GRK7: variants seen among roughly 807,000 people sequenced by gnomAD.
The protein encoded by GRK7 is rhodopsin kinase GRK7.
In GRK7, 24 loss-of-function variants were observed where a neutral mutation model predicts 34.1. The observed-to-expected ratio is 0.70, with a 90% CI of 0.51 to 0.99. The LOEUF (loss-of-function observed/expected upper bound fraction) is 0.99. Ranked by LOEUF, GRK7 falls within the 50% of genes least tolerant of loss-of-function variation. The pLI is 0.00. For missense variants in GRK7, 644 were observed against 707.3 expected, an observed-to-expected ratio of 0.91 and a Z score of 1.02; for synonymous variants, 256 against 279.4, an observed-to-expected ratio of 0.92 and a Z score of 0.84.
At chr3:141,800,826 C>T (rs1406941548) in intron 4 of GRK7, among the ~76,000 whole-genome samples, 1 of 152,070 alleles carries the variant, frequency 6.6e-6, no homozygotes, top group Non-Finnish European at 1.5e-5. Flanking sequence ...ACTTTCTGGA[C>T]AGACAGAAAT....
chr3:141,785,581 T>C lies in GRK7; in HGVS notation c.1050+4770T>C, dbSNP rs570380855. On this transcript the variant is annotated intron_variant, in intron 4 of 5. Transcript: ENST00000682958. The stretch of plus-strand genomic sequence containing the variant: ...GAGTTCGAGACCAGCCTGGCCAACA[T>C]GTTGAAACCCTGTCTCTACTAAAAA... Among the ~76,000 whole-genome samples, 32 of 152,208 alleles carry C rather than the reference T, an allele frequency of 2.1e-4. No homozygotes were observed. The South Asian group carries it at 6.0e-3, about 29-fold the overall frequency.
At chr3:141,762,981 C>T (rs1054039659), upstream of GRK7, among the ~76,000 whole-genome samples, 2 of 152,274 alleles carry the variant, frequency 1.3e-5, no homozygotes, top group Non-Finnish European at 2.9e-5. Context: ...CGCCCTGCTT[C>T]GGCTCGCGCC....
chr3:141,799,984 G>A (rs376522662), intron 4 of GRK7, among the ~76,000 whole-genome samples: 3 of 152,058 alleles, frequency 2.0e-5, no homozygotes, highest in African/African-American at 7.3e-5. Flanking sequence ...CTCATTGGAC[G>A]GGTGCCACAC....
intron 4 of GRK7, among the ~76,000 whole-genome samples, chr3:141,806,675 A>G (rs1428137114): frequency 6.6e-6 from 1 of 152,092 alleles, no homozygotes; most frequent in Admixed American, 6.6e-5. Flanking sequence ...TATATGAGGT[A>G]CCTAGAGCAG....
At position 141,817,113 on chromosome 3, in the gene GRK7, A is replaced by G; in HGVS notation, c.*63A>G. On this transcript the variant is annotated 3_prime_UTR_variant, in exon 6 of 6. Coordinates refer to ENST00000682958, the MANE Select transcript of GRK7 (RefSeq NM_139209.3). ...CTGACATAATCCTCGAATGTTCCACACGTGGAAATCTGTGGAATGAGGGCT... is the reference window on the plus strand; with the variant it reads ...CTGACATAATCCTCGAATGTTCCACGCGTGGAAATCTGTGGAATGAGGGCT... 7.7e-7 allele frequency: 1 copy of G among 1,300,642 alleles called. No homozygotes were observed. Among genetic ancestry groups the G allele is most frequent in the Non-Finnish European group, 1.1e-6 (1 of 944,350 alleles). 80.6% of individuals were successfully genotyped at this position (1,300,642 alleles called of 1,614,324 possible). A position where few individuals can be genotyped will look rare whatever the true frequency, so the allele number is the denominator to read the frequency against.
At chr3:141,798,930 A>T (rs1710920097) in intron 4 of GRK7, among the ~76,000 whole-genome samples, 1 of 152,184 alleles carries the variant, frequency 6.6e-6, no homozygotes, top group African/African-American at 2.4e-5. Flanking sequence ...GAATGAATCT[A>T]AGGCCTTCCT....
intron 1 of GRK7, among the ~76,000 whole-genome samples, chr3:141,772,631 T>C (rs2084621773): frequency 1.3e-5 from 2 of 152,184 alleles, no homozygotes; most frequent in Admixed American, 1.3e-4. Context: ...GGATGTATTT[T>C]CAGAGAGAAA....
rs1442927535 is a variant in GRK7 at position 141,778,310 on chromosome 3, A to G, written c.26A>G (p.Asn9Ser). Residue 9 changes from asparagine to serine, a missense_variant, in exon 3 of 6, where the codon AAC (asparagine) becomes AGC (serine). By Grantham distance (46) the Asn-to-Ser change is conservative. Coordinates refer to ENST00000682958, the MANE Select transcript of GRK7 (RefSeq NM_139209.3). The surrounding 1 kb of genome is among the most constrained non-coding windows in gnomAD (Gnocchi z 4.1). ...ATGGTGGACATGGGGGCCCTGGACA[A>G]CCTGATCGCCAACACCGCCTACCTG... MVDMGALDNLIANTAYLQA... is the reference protein window; with the variant it reads MVDMGALDSLIANTAYLQA... 1 of 1,587,708 alleles carries G rather than the reference A, an allele frequency of 6.3e-7. No individual in the cohort carries two copies. Among genetic ancestry groups the G allele is most frequent in the East Asian group, 2.2e-5 (1 of 44,524 alleles).
intron 5 of GRK7, among the ~76,000 whole-genome samples, chr3:141,812,793 C>A (rs1711106364): frequency 6.6e-6 from 1 of 152,174 alleles, no homozygotes; most frequent in Non-Finnish European, 1.5e-5. Context: ...CCCGAGTTAC[C>A]AAGCTCCTGG....
At chr3:141,769,810 TCTCCTGCAGTCC>T (rs1252098025) in intron 1 of GRK7, among the ~76,000 whole-genome samples, 1 of 152,198 alleles carries the variant, frequency 6.6e-6, no homozygotes, top group Non-Finnish European at 1.5e-5. Context: ...CGTGACAGCC[TCTCCTGCAGTCC>T]CAGCTCCTAC....
chr3:141,756,571 T>C, the GRK7 span, among the ~76,000 whole-genome samples: 2 of 152,204 alleles, frequency 1.3e-5, no homozygotes, highest in Non-Finnish European at 2.9e-5. Flanking sequence ...TTCCCTCTCT[T>C]GATCTGAGTG....
At chr3:141,769,757 G>A (rs1458670037) in intron 1 of GRK7, among the ~76,000 whole-genome samples, 2 of 152,152 alleles carry the variant, frequency 1.3e-5, no homozygotes, top group African/African-American at 4.8e-5. Context: ...GGCCTCGTGT[G>A]TGACCTCTGG....
At chr3:141,782,377 G>T (rs1186915785) in intron 4 of GRK7, among the ~76,000 whole-genome samples, 1 of 152,178 alleles carries the variant, frequency 6.6e-6, no homozygotes, top group African/African-American at 2.4e-5. Context: ...AGGGTCTCTA[G>T]CTCCAGTGGC....
At position 141,816,865 on chromosome 3, in the gene GRK7, CG is replaced by C; in HGVS notation, c.1483del (p.Val495TrpfsTer21). ...TGAAATTGATGATTTCTCTGAGGTT[CG>C]GGGGGTGGAATTTGATGACAAAGAT... Reference protein sequence around the residue: ...IAEIDDFSEVRGVEFDDKDKQ... With the variant: ...IAEIDDFSEVXGVEFDDKDKQ... On this transcript the variant is annotated frameshift_variant, in exon 6 of 6. Coordinates refer to ENST00000682958, the MANE Select transcript of GRK7 (RefSeq NM_139209.3). LOFTEE classifies it high-confidence loss of function. 4.3e-6 allele frequency: 7 copies of C among 1,613,942 alleles called. No individual in the cohort carries two copies. Among genetic ancestry groups the C allele is most frequent in the African/African-American group, 1.3e-5 (1 of 74,998 alleles).
At chr3:141,756,255 T>G in the GRK7 span, among the ~76,000 whole-genome samples, 1 of 146,908 alleles carries the variant, frequency 6.8e-6, no homozygotes, top group Non-Finnish European at 1.5e-5. Flanking sequence ...GAGGTTGCAG[T>G]GAGCTGAGAT....
chr3:141,798,140 G>A (rs1347680570), intron 4 of GRK7, among the ~76,000 whole-genome samples: 1 of 152,182 alleles, frequency 6.6e-6, no homozygotes, highest in Non-Finnish European at 1.5e-5. Flanking sequence ...GTATCTGGAC[G>A]GGCTTGGGAT....
chr3:141,816,919 G>A lies in GRK7; in HGVS notation c.1531G>A (p.Gly511Ser). Residue 511 changes from glycine to serine, a missense_variant, in exon 6 of 6, where the codon GGT becomes AGT. Gly to Ser is a moderately conservative substitution (Grantham distance 56, BLOSUM62 0). Transcript: ENST00000682958. ...GCAGTTCTTCAAAAACTTTGCGACA[G>A]GTGCTGTTCCTATAGCATGGCAGGA... ...DKQFFKNFAT[G>S]AVPIAWQEEI... The A allele has an allele frequency of 6.2e-7, 1 of 1,614,138 alleles. No homozygotes were observed. The highest frequency in any genetic ancestry group is 2.2e-5 in the East Asian group (1 of 44,886).
At chr3:141,756,004 A>T in the GRK7 span, among the ~76,000 whole-genome samples, 7 of 126,990 alleles carry the variant, frequency 5.5e-5, no homozygotes, top group East Asian at 1.4e-3. Context: ...ACTACTCAGC[A>T]GTTTAAAAAA....
upstream of GRK7, among the ~76,000 whole-genome samples, chr3:141,762,665 T>G (rs867426671): frequency 1.1e-3 from 164 of 152,046 alleles, no homozygotes; most frequent in Middle Eastern, 0.024. Context: ...TCCCGGCTGC[T>G]TTGTTTACCT....
Sources: allele counts gnomAD v4.1 joint callset (sites outside exome capture counted in the v4.1 genomes callset), GRCh38; gene constraint gnomAD v4.1.1; non-coding constraint Gnocchi (gnomAD v3.1); transcripts MANE v1.5; gene names NCBI Gene and HGNC (gene_info 2026-07-23, HGNC 2026-07-21).